TRAF2: variants seen among roughly 807,000 people sequenced by gnomAD.
The protein encoded by TRAF2 is TNF receptor associated factor 2.
In TRAF2, 6 loss-of-function variants were observed where a neutral mutation model predicts 55.6. The ratio of observed to expected loss-of-function variants is 0.11; its 90% CI spans 0.06 to 0.21. The LOEUF is 0.21. Among genes scored for constraint, TRAF2 ranks in the 10% least tolerant of loss-of-function variants. TRAF2 has a pLI of 1.00. For missense variants in TRAF2, 561 were observed against 684.5 expected, an observed-to-expected ratio of 0.82 and a Z score of 2.01; for synonymous variants, 329 against 276.3, an observed-to-expected ratio of 1.19 and a Z score of -1.89.
intron 3 of TRAF2, 121 bp downstream of exon 3, chr9:136,899,793 G>A (rs997097855): frequency 5.6e-6 from 5 of 886,272 alleles, no homozygotes; most frequent in Non-Finnish European, 8.4e-6. Context: ...GGGAGGCCCA[G>A]GTAGGGGGAT....
intron 1 of TRAF2, among the ~76,000 whole-genome samples, chr9:136,894,310 G>T (rs964578187): frequency 6.6e-6 from 1 of 152,170 alleles, no homozygotes; most frequent in Non-Finnish European, 1.5e-5. Flanking sequence ...CTCCCAAAGT[G>T]CTGGGATTAC....
chr9:136,918,259 T>TATATA (rs1564419549), intron 7 of TRAF2, among the ~76,000 whole-genome samples: 83 of 23,748 alleles, frequency 3.5e-3, no homozygotes, highest in African/African-American at 7.5e-3. Context: ...ATATATATAT[T>TATATA]TATTTAATTA....
chr9:136,911,518 G>T (rs1369451961), intron 6 of TRAF2, among the ~76,000 whole-genome samples: 1 of 152,160 alleles, frequency 6.6e-6, no homozygotes. Flanking sequence ...ACCTGCCTCA[G>T]CCTCCCAAAG....
chr9:136,899,482 T>G, intron 2 of TRAF2, 112 bp from the exon 3 acceptor site: 6 of 900,002 alleles, frequency 6.7e-6, no homozygotes, highest in African/African-American at 1.7e-5. Flanking sequence ...TCACTAAGGA[T>G]GAGAAAGTTT....
At position 136,900,482 on chromosome 9, in the gene TRAF2, G is replaced by A. The variant is rs1266844142; in HGVS notation, c.328G>A (p.Asp110Asn). ...GAGCCTGCCGGCCGTCTGTCCCAGTGATGGATGCACCTGGAAGGGGACCCT... is the reference window on the plus strand; with the variant it reads ...GAGCCTGCCGGCCGTCTGTCCCAGTAATGGATGCACCTGGAAGGGGACCCT... ...VESLPAVCPS[D>N]GCTWKGTLKE... is the part of the protein sequence containing the mutation. The change falls in exon 4 of 11, where the codon GAT (aspartate) becomes AAT (asparagine). Residue 110 changes from aspartate (D) to asparagine (N), a missense_variant. By Grantham distance (23) the Asp-to-Asn change is conservative (BLOSUM62 1). This residue lies in a region of TRAF2 where 426 missense variants were observed against 476.8 expected (regional missense o/e 0.89). Transcript: ENST00000247668. The A allele has an allele frequency of 2.5e-6, 4 of 1,613,904 alleles. No homozygotes were observed. The highest frequency in any genetic ancestry group is 3.4e-6 in the Non-Finnish European group (4 of 1,179,908).
intron 9 of TRAF2, among the ~76,000 whole-genome samples, chr9:136,922,134 G>A (rs756711527): frequency 2.6e-5 from 4 of 152,246 alleles, no homozygotes; most frequent in South Asian, 2.1e-4. Flanking sequence ...TGGCGCCCTC[G>A]AGGCGGAAAG....
At chr9:136,905,459 G>GT (rs1352462387) in intron 4 of TRAF2, among the ~76,000 whole-genome samples, 1 of 152,198 alleles carries the variant, frequency 6.6e-6, no homozygotes, top group African/African-American at 2.4e-5. Flanking sequence ...GGGAGTTAGG[G>GT]TTTAACAGGG....
rs750248731 is a variant in TRAF2, at chr9:136,909,938, C to T, written c.547C>T (p.Pro183Ser). 15 of 1,614,066 alleles carry T rather than the reference C, an allele frequency of 9.3e-6. 1 individual carries two copies. Among genetic ancestry groups the T allele is most frequent in the Middle Eastern group, 1.6e-4 (1 of 6,084 alleles). The change falls in exon 6 of 11, where the codon CCC becomes TCC. Residue 183 changes from proline (P) to serine (S), a missense_variant. Around this residue, in one of 2 missense-constraint regions of TRAF2, gnomAD observed 426 missense variants for 476.8 expected, o/e 0.89. Coordinates refer to ENST00000247668, the MANE Select transcript of TRAF2 (RefSeq NM_021138.4). ...TTTGAAGGCGCACCACGAGGTCTGCCCCAAGTTCCCCTTAACTTGTGACGG... is the reference window on the plus strand; with the variant it reads ...TTTGAAGGCGCACCACGAGGTCTGCTCCAAGTTCCCCTTAACTTGTGACGG... ...ADVKAHHEVC[P>S]KFPLTCDGCG...
At chr9:136,889,967 C>T (rs913657977) in intron 1 of TRAF2, among the ~76,000 whole-genome samples, 16 of 144,094 alleles carry the variant, frequency 1.1e-4, no homozygotes, top group African/African-American at 1.0e-4. Context: ...ACCGCACGCT[C>T]GTTCAGCCGG....
At chr9:136,900,194 C>T (rs956297089) in intron 3 of TRAF2, among the ~76,000 whole-genome samples, 3 of 149,970 alleles carry the variant, frequency 2.0e-5, no homozygotes, top group African/African-American at 4.9e-5. Flanking sequence ...AATAAAGGGC[C>T]GCCAGAAGTT....
At chr9:136,916,311 ATGCT>A (rs961015635) in intron 6 of TRAF2, among the ~76,000 whole-genome samples, 10 of 152,224 alleles carry the variant, frequency 6.6e-5, no homozygotes, top group South Asian at 4.2e-4. Context: ...GTGTCCCGAA[ATGCT>A]TGCCCATCTC....
intron 6 of TRAF2, among the ~76,000 whole-genome samples, chr9:136,911,863 T>TTTTTTTTTTTTG: frequency 7.4e-6 from 1 of 135,210 alleles, no homozygotes. Flanking sequence ...TTTTTTTTTT[T>TTTTTTTTTTTTG]TTTTGAGATG....
At position 136,920,440 on chromosome 9, in the gene TRAF2, G is replaced by A; in HGVS notation, c.885G>A (p.Arg295=). ...GCGTCCTGAACCGGGAGGTGGAGAG[G>A]GTGGCCATGACTGCCGAGGCCTGCA... The part of the protein sequence containing the change: ...IVCVLNREVE[R]VAMTAEACSR... The change falls in exon 8 of 11, where the codon AGG becomes AGA. Residue 295 remains arginine, a synonymous_variant. Transcript: ENST00000247668. 6.2e-7 allele frequency: 1 copy of A among 1,614,044 alleles called. No homozygotes were observed. Among genetic ancestry groups the A allele is most frequent in the South Asian group, 1.1e-5 (1 of 91,090 alleles).
intron 6 of TRAF2, among the ~76,000 whole-genome samples, chr9:136,911,087 G>T (rs1255288602): frequency 6.6e-6 from 1 of 152,196 alleles, no homozygotes; most frequent in Non-Finnish European, 1.5e-5. Context: ...GCCCTTGTCT[G>T]TCCTGAGGGG....
At chr9:136,923,047 C>G (rs1850433968) in intron 9 of TRAF2, among the ~76,000 whole-genome samples, 1 of 152,178 alleles carries the variant, frequency 6.6e-6, no homozygotes, top group Admixed American at 6.5e-5. Context: ...AGTGTTCTGT[C>G]ATGTGACTTG....
rs140763017 is a variant in TRAF2 at position 136,902,643 on chromosome 9, C to T, written c.366+2123C>T. Among the ~76,000 whole-genome samples the T allele has an allele frequency of 7.5e-4, 114 of 152,218 alleles. 1 individual carries two copies. The highest frequency in any genetic ancestry group is 2.2e-3 in the African/African-American group (93 of 41,526). ...GCCGGGTTTGGTCATGTGGGAGGGG[C>T]GGGCACTGCTCTGGAATAACTTGGC... On this transcript the variant is annotated intron_variant, in intron 4 of 10. Transcript: ENST00000247668.
At chr9:136,915,585 A>C (rs934884117) in intron 6 of TRAF2, among the ~76,000 whole-genome samples, 2 of 151,800 alleles carry the variant, frequency 1.3e-5, no homozygotes, top group African/African-American at 4.8e-5. Context: ...GGGTGTGCTT[A>C]GGCTCTGTGC....
chr9:136,913,965 G>A (rs1474705671), intron 6 of TRAF2, among the ~76,000 whole-genome samples: 1 of 152,190 alleles, frequency 6.6e-6, no homozygotes, highest in African/African-American at 2.4e-5. Context: ...TGACCTGTGG[G>A]GCTCGCTGGA....
intron 9 of TRAF2, 136 bp downstream of exon 9, chr9:136,921,351 C>CA (rs1303883637): frequency 1.7e-6 from 2 of 1,149,636 alleles, no homozygotes; most frequent in East Asian, 5.1e-5. Flanking sequence ...GGAGCAGCTA[C>CA]ACCTCCCTGA....
Sources: gnomAD v4.1 joint callset for allele counts (sites outside exome capture counted in the v4.1 genomes callset) on GRCh38, gnomAD v4.1.1 for gene constraint, gnomAD v4.1.1 regional missense constraint, MANE v1.5 for transcripts, NCBI Gene and HGNC (gene_info 2026-07-23, HGNC 2026-07-21) for gene names.